Variants in OR56A3 observed in about 807,000 individuals in gnomAD.
OR56A3 encodes olfactory receptor family 56 subfamily A member 3, also known as olfactory receptor 56A3.
In OR56A3, 23 loss-of-function variants were observed where a neutral mutation model predicts 17.5. The observed-to-expected ratio is 1.32, with a 90% CI of 0.95 to 1.87. OR56A3 has a LOEUF of 1.87. Ranked by LOEUF, OR56A3 falls within the 40% of genes most tolerant of loss-of-function variation. OR56A3 has a pLI of 0.00. For synonymous variants in OR56A3, 175 were observed against 150.6 expected, an observed-to-expected ratio of 1.16 and a Z score of -1.19; for missense variants, 366 against 380.1, an observed-to-expected ratio of 0.96 and a Z score of 0.31.
At chr11:6,019,540 C>G in the OR56A3 span, 1 of 152,190 alleles carries the variant, frequency 6.6e-6, no homozygotes, top group African/African-American at 2.4e-5. Context: ...GAGCAACTTA[C>G]ATCTTGCATG....
chr11:5,986,530 A>C, the OR56A3 span: 2 of 1,613,958 alleles, frequency 1.2e-6, no homozygotes, highest in Non-Finnish European at 1.7e-6. Context: ...AGCCATGGCC[A>C]CAAGTACCCC....
chr11:5,983,311 T>G, the OR56A3 span, among the ~76,000 whole-genome samples: 1 of 152,200 alleles, frequency 6.6e-6, no homozygotes, highest in Non-Finnish European at 1.5e-5. Flanking sequence ...TTGAAATATT[T>G]TCTGACTTCC....
chr11:5,973,429 A>T, the OR56A3 span, among the ~76,000 whole-genome samples: 2 of 152,234 alleles, frequency 1.3e-5, no homozygotes, highest in Admixed American at 1.3e-4. Context: ...CAGTGTTTAC[A>T]GTGTGGTAGA....
At chr11:6,003,045 G>A in the OR56A3 span, 217 of 1,613,780 alleles carry the variant, frequency 1.3e-4, no homozygotes, top group Non-Finnish European at 1.7e-4. Flanking sequence ...ACGTAGTAGA[G>A]AAGTACAGAA....
At chr11:5,968,566 A>T in the OR56A3 span, 1 of 1,099,848 alleles carries the variant, frequency 9.1e-7, no homozygotes, top group Non-Finnish European at 1.3e-6. Flanking sequence ...AGAAATAGAA[A>T]ACAAAGCTGT....
At chr11:6,010,247 G>A in the OR56A3 span, among the ~76,000 whole-genome samples, 1 of 152,036 alleles carries the variant, frequency 6.6e-6, no homozygotes, top group Non-Finnish European at 1.5e-5. Context: ...TGCCGACTTT[G>A]TAATTTTGAA....
chr11:5,999,541 T>C, the OR56A3 span: 1 of 152,222 alleles, frequency 6.6e-6, no homozygotes, highest in South Asian at 2.1e-4. Flanking sequence ...AAAATTCCAG[T>C]TCTCCAGACT....
chr11:5,967,797 C>T, the OR56A3 span: 4 of 1,578,624 alleles, frequency 2.5e-6, no homozygotes, highest in African/African-American at 1.3e-5. Context: ...ATCTCCCTCA[C>T]CCTTAATCCT....
chr11:5,976,162 AGAAG>A, the OR56A3 span, among the ~76,000 whole-genome samples: 1 of 151,944 alleles, frequency 6.6e-6, no homozygotes, highest in Admixed American at 6.6e-5. Flanking sequence ...GAAAAGGGAG[AGAAG>A]GAAGGAGGAT....
chr11:6,002,466 A>G, the OR56A3 span: 4 of 1,614,248 alleles, frequency 2.5e-6, no homozygotes, highest in Non-Finnish European at 3.4e-6. Flanking sequence ...GTTCTTGATT[A>G]TGTTTCCTGC....
At chr11:6,006,399 C>G in the OR56A3 span, 1 of 152,122 alleles carries the variant, frequency 6.6e-6, no homozygotes. Flanking sequence ...AGTTCATACC[C>G]TAGACTGATA....
chr11:5,942,468 A>G (rs1273807948), intron 1 of OR56A3, 94 bp downstream of exon 1: 1 of 152,238 alleles, frequency 6.6e-6, no homozygotes, highest in Admixed American at 6.5e-5. Flanking sequence ...CAATTTGTCT[A>G]TAGAAGATTA....
chr11:6,003,861 G>T, the OR56A3 span, among the ~76,000 whole-genome samples: 1 of 152,156 alleles, frequency 6.6e-6, no homozygotes, highest in Non-Finnish European at 1.5e-5. Flanking sequence ...CCACTTACCT[G>T]GTAAGTAAAA....
chr11:5,969,265 C>T, the OR56A3 span, among the ~76,000 whole-genome samples: 1 of 152,236 alleles, frequency 6.6e-6, no homozygotes, highest in Non-Finnish European at 1.5e-5. Flanking sequence ...CACACATATT[C>T]ATGACAATAA....
the OR56A3 span, among the ~76,000 whole-genome samples, chr11:5,996,038 T>G: frequency 6.6e-6 from 1 of 152,222 alleles, no homozygotes; most frequent in Non-Finnish European, 1.5e-5. Flanking sequence ...TCCAGGCTCA[T>G]CCATACTATA....
At chr11:5,957,300 A>T in the OR56A3 span, among the ~76,000 whole-genome samples, 1 of 152,238 alleles carries the variant, frequency 6.6e-6, no homozygotes, top group Non-Finnish European at 1.5e-5. Flanking sequence ...TACTGCTGCC[A>T]CATTGTTATA....
chr11:5,980,404 G>A, the OR56A3 span, among the ~76,000 whole-genome samples: 8 of 138,762 alleles, frequency 5.8e-5, no homozygotes, highest in African/African-American at 2.0e-4. Context: ...GAGTCTTCTC[G>A]ATGAATTGAA....
chr11:5,989,561 A>G, the OR56A3 span, among the ~76,000 whole-genome samples: 1 of 152,184 alleles, frequency 6.6e-6, no homozygotes, highest in Non-Finnish European at 1.5e-5. Flanking sequence ...CTAGGGTAAA[A>G]GTCTGCAAGT....
the OR56A3 span, among the ~76,000 whole-genome samples, chr11:5,970,783 TTCTC>T: frequency 2.6e-5 from 4 of 152,154 alleles, no homozygotes; most frequent in African/African-American, 9.7e-5. Flanking sequence ...TTTCTCTCCT[TTCTC>T]TCCCGAATCC....
Sources: gnomAD v4.1 joint callset for allele counts (sites outside exome capture counted in the v4.1 genomes callset) on GRCh38, gnomAD v4.1.1 for gene constraint, MANE v1.5 for transcripts, NCBI Gene and HGNC (gene_info 2026-07-23, HGNC 2026-07-21) for gene names.